The following ATP6V0E2 variants were observed in gnomAD, a reference collection of about 807,000 sequenced individuals.
ATP6V0E2 encodes V-type proton ATPase subunit e 2.
A neutral mutation model predicts 11.5 loss-of-function variants in ATP6V0E2; 4 were observed. The ratio of observed to expected loss-of-function variants is 0.35; its 90% CI spans 0.17 to 0.80. ATP6V0E2 has a LOEUF of 0.80. Ranked by LOEUF, ATP6V0E2 falls within the 30% of genes least tolerant of loss-of-function variation. ATP6V0E2 has a pLI of 0.53. For synonymous variants in ATP6V0E2, 52 were observed against 51.0 expected (o/e 1.02, Z -0.09); for missense variants, 93 against 113.5 (o/e 0.82, Z 0.82).
rs759902812 is a variant in ATP6V0E2 at position 149,879,720 on chromosome 7, G to C, written c.*405G>C. The C allele has an allele frequency of 5.3e-6, 7 of 1,327,484 alleles. No homozygotes were observed. Among genetic ancestry groups the C allele is most frequent in the East Asian group, 3.0e-5 (1 of 33,764 alleles). 82.2% of individuals were successfully genotyped at this position (1,327,484 alleles called of 1,614,324 possible). On this transcript the variant is annotated 3_prime_UTR_variant, in exon 4 of 4. Transcript: ENST00000425642. ...ATGGAGAGGGTGCTCCGGCCCAGGC[G>C]GGGGAGTCAGTGCCCAGTCAGCAGC...
At chr7:149,876,888 A>G (rs7806830) in intron 2 of ATP6V0E2, among the ~76,000 whole-genome samples, 94,796 of 152,092 alleles carry the variant, frequency 0.62, 30,166 homozygotes, top group African/African-American at 0.73. Context: ...AACAACTGGA[A>G]TATTTTCCAG....
Position 149,879,593 on chromosome 7 carries a change from C to A in ATP6V0E2, c.*278C>A. 6.7e-7 allele frequency: 1 copy of A among 1,481,550 alleles called. No individual in the cohort carries two copies. 91.8% of individuals were successfully genotyped at this position (1,481,550 alleles called of 1,614,324 possible). ...ACTGCTCTGGAGTTTGCCCTCTTTC[C>A]CAAGGAGATGCTGCTGGGGAGCTGG... On this transcript the variant is annotated 3_prime_UTR_variant, in exon 4 of 4. Transcript: ENST00000425642.
chr7:149,873,064 ATCCAAAC>A (rs751039105), upstream of ATP6V0E2: 9 of 152,224 alleles, frequency 5.9e-5, no homozygotes, highest in Non-Finnish European at 1.2e-4. Flanking sequence ...GATATGTGAG[ATCCAAAC>A]GCCGAAGGAG....
Position 149,874,003 on chromosome 7 carries a change from C to G in ATP6V0E2, c.-63C>G. 1 of 1,546,054 alleles carries G rather than the reference C, an allele frequency of 6.5e-7. No individual in the cohort carries two copies. Among genetic ancestry groups the G allele is most frequent in the Non-Finnish European group, 8.7e-7 (1 of 1,145,700 alleles). ...GCTCAGCGCGCTGCCCGGCTGGGGACCCGCGCACCTGCAGCGCCCGCTGCT... is the reference window on the plus strand; with the variant it reads ...GCTCAGCGCGCTGCCCGGCTGGGGAGCCGCGCACCTGCAGCGCCCGCTGCT... On this transcript the variant is annotated 5_prime_UTR_variant, in exon 1 of 4. Coordinates refer to ENST00000425642, the MANE Select transcript of ATP6V0E2 (RefSeq NM_145230.4).
At chr7:149,876,889 T>TA (rs1294749777) in intron 2 of ATP6V0E2, among the ~76,000 whole-genome samples, 3 of 152,154 alleles carry the variant, frequency 2.0e-5, no homozygotes, top group African/African-American at 7.2e-5. Flanking sequence ...ACAACTGGAA[T>TA]ATTTTCCAGG....
chr7:149,879,396 T>A lies in ATP6V0E2; in HGVS notation c.*81T>A, dbSNP rs1486722599. Reference sequence around the variant, plus strand: ...CCTGACAACCCCTTCGTCCGGACCCTCCCCCACACAACTATGTCTGGTCAC... The same window carrying A: ...CCTGACAACCCCTTCGTCCGGACCCACCCCCACACAACTATGTCTGGTCAC... On this transcript the variant is annotated 3_prime_UTR_variant, in exon 4 of 4. Coordinates refer to ENST00000425642, the MANE Select transcript of ATP6V0E2 (RefSeq NM_145230.4). The A allele has an allele frequency of 3.8e-6, 6 of 1,597,686 alleles. No homozygotes were observed. The highest frequency in any genetic ancestry group is 1.7e-5 in the Admixed American group (1 of 58,156).
chr7:149,873,765 C>T (rs1802957503), upstream of ATP6V0E2: 18 of 1,052,432 alleles, frequency 1.7e-5, no homozygotes, highest in Non-Finnish European at 2.3e-5. Flanking sequence ...TGTGCGGGCG[C>T]GGGGCTGACG....
rs769202204 is a variant in ATP6V0E2, at chr7:149,878,687, C to T, written c.162C>T (p.Ile54=). Reference sequence around the variant, plus strand: ...TTGCTGTCCCTGGCAGCTGGCTCATCGCCATCCTGGCGCAGCTGAACCCCC... The same window carrying T: ...TTGCTGTCCCTGGCAGCTGGCTCATTGCCATCCTGGCGCAGCTGAACCCCC... ...TAVCCYLFWL[I]AILAQLNPLF... is the part of the protein sequence containing the mutation. The change falls in exon 3 of 4, where the codon ATC becomes ATT. Residue 54 remains isoleucine (I), a synonymous_variant. Transcript: ENST00000425642. The T allele has an allele frequency of 2.9e-5, 47 of 1,611,548 alleles. No individual in the cohort carries two copies. The highest frequency in any genetic ancestry group is 2.5e-4 in the African/African-American group (19 of 74,912).
chr7:149,877,749 A>G (rs1803230636), intron 2 of ATP6V0E2, among the ~76,000 whole-genome samples: 1 of 152,154 alleles, frequency 6.6e-6, no homozygotes, highest in African/African-American at 2.4e-5. Context: ...ATGCGGGGTA[A>G]TCCCAAATAC....
rs1218938493 is a variant in ATP6V0E2 at position 149,880,532 on chromosome 7, C to G, written c.*1217C>G. ...ATGCCTCTCACTCACATGCCAGTTCCTGGCTGGCCAGCTGCTCAGGGCTCA... is the reference window on the plus strand; with the variant it reads ...ATGCCTCTCACTCACATGCCAGTTCGTGGCTGGCCAGCTGCTCAGGGCTCA... On this transcript the variant is annotated 3_prime_UTR_variant, in exon 4 of 4. Transcript: ENST00000425642. 6.6e-6 allele frequency: 1 copy of G among 152,506 alleles called. No homozygotes were observed. Among genetic ancestry groups the G allele is most frequent in the Non-Finnish European group, 1.5e-5 (1 of 68,252 alleles). The allele number at this position is 152,506 out of a possible 1,614,324, so 9.4% of individuals were successfully genotyped here. A position where few individuals can be genotyped will look rare whatever the true frequency, so the allele number is the denominator to read the frequency against.
Position 149,879,323 on chromosome 7 carries a change from T to C in ATP6V0E2, c.*20-12T>C, listed in dbSNP as rs549474910. 3.3e-6 allele frequency: 5 copies of C among 1,516,478 alleles called. No individual in the cohort carries two copies. In the South Asian group the frequency reaches 6.6e-5, roughly 20 times the overall value. The allele number at this position is 1,516,478 out of a possible 1,614,324, so 93.9% of individuals were successfully genotyped here. A position where few individuals can be genotyped will look rare whatever the true frequency, so the allele number is the denominator to read the frequency against. ...GCAAGGCCGGGACCCTTCCATGTGA[T>C]GTGCTTTTCAGGTGCCCAGCTCTCG... On this transcript the variant is annotated splice_polypyrimidine_tract_variant and intron_variant, in intron 3 of 3. Coordinates refer to ENST00000425642, the MANE Select transcript of ATP6V0E2 (RefSeq NM_145230.4).
chr7:149,875,626 G>A lies in ATP6V0E2; in HGVS notation c.133G>A (p.Ala45Thr), dbSNP rs762511980. 38 of 1,613,622 alleles carry A rather than the reference G, an allele frequency of 2.4e-5. No homozygotes were observed. In the South Asian group the frequency reaches 3.0e-4, roughly 13 times the overall value. ...GATCATCACCATGCTGGTCGCCACC[G>A]CCGTCTGCTGTTACCTCTTGTAAGT... Reference protein sequence around the residue: ...GVIITMLVATAVCCYLFWLIA... With the variant: ...GVIITMLVATTVCCYLFWLIA... The change falls in exon 2 of 4, where the codon GCC (alanine) becomes ACC (threonine). Residue 45 changes from alanine (A) to threonine (T), a missense_variant. Ala to Thr is a moderately conservative substitution (Grantham distance 58, BLOSUM62 0). Transcript: ENST00000425642.
At chr7:149,877,177 C>T (rs1421781289) in intron 2 of ATP6V0E2, among the ~76,000 whole-genome samples, 1 of 152,120 alleles carries the variant, frequency 6.6e-6, no homozygotes, top group East Asian at 1.9e-4. Context: ...AGGTGCACAC[C>T]ATTGCACCCG....
intron 3 of ATP6V0E2, 36 bp from the exon 4 acceptor site, chr7:149,879,299 C>A: frequency 6.8e-7 from 1 of 1,460,390 alleles, no homozygotes. Context: ...GTCTCCACTG[C>A]AAGGCCGGGA....
chr7:149,876,996 T>C (rs1219252592), intron 2 of ATP6V0E2, among the ~76,000 whole-genome samples: 1 of 152,250 alleles, frequency 6.6e-6, no homozygotes, highest in Non-Finnish European at 1.5e-5. Context: ...AAAATTGTTT[T>C]ATCTGATTAG....
At chr7:149,873,073 C>T (rs1802922039), upstream of ATP6V0E2, 1 of 152,202 alleles carries the variant, frequency 6.6e-6, no homozygotes, top group Admixed American at 6.5e-5. Context: ...GATCCAAACG[C>T]CGAAGGAGGA....
At chr7:149,879,090 C>T in intron 3 of ATP6V0E2, 1 of 1,388,506 alleles carries the variant, frequency 7.2e-7, no homozygotes, top group South Asian at 1.8e-5. Context: ...CAACTCCCTT[C>T]CTGCCTGGCC....
intron 2 of ATP6V0E2, 140 bp downstream of exon 2, chr7:149,875,785 A>G (rs939341993): frequency 1.2e-6 from 1 of 855,404 alleles, no homozygotes; most frequent in Admixed American, 2.0e-5. Context: ...ACAGGAGTGG[A>G]GGTGGTGTGG....
upstream of ATP6V0E2, chr7:149,873,838 T>A (rs1802962334): frequency 7.0e-7 from 1 of 1,438,006 alleles, no homozygotes; most frequent in Admixed American, 2.7e-5. Flanking sequence ...CATTTCTCTC[T>A]GTCCGCGGCC....
Sources: gnomAD v4.1 joint callset for allele counts (sites outside exome capture counted in the v4.1 genomes callset) on GRCh38, gnomAD v4.1.1 for gene constraint, MANE v1.5 for transcripts, NCBI Gene and HGNC (gene_info 2026-07-23, HGNC 2026-07-21) for gene names.